Variants in PVALB observed in about 807,000 individuals in gnomAD.
PVALB encodes the protein parvalbumin alpha.
PVALB carries 11 observed loss-of-function variants against 10.9 expected under a neutral mutation model. The observed-to-expected ratio is 1.01, with a 90% CI of 0.63 to 1.67. PVALB has a LOEUF of 1.67. Ranked by LOEUF, PVALB falls within the 40% of genes most tolerant of loss-of-function variation. PVALB has a pLI of 0.00. For missense variants in PVALB, 131 were observed against 136.2 expected (o/e 0.96, Z 0.19); for synonymous variants, 57 against 50.7 (o/e 1.12, Z -0.53).
chr22:36,812,908 A>G (rs4821535), intron 3 of PVALB, among the ~76,000 whole-genome samples: 140,978 of 152,292 alleles, frequency 0.93, 65,313 homozygotes, highest in African/African-American at 0.96. Flanking sequence ...TAAGAGAGAT[A>G]GCAATGTGGG....
chr22:36,809,696 T>C (rs1446552089), intron 3 of PVALB, among the ~76,000 whole-genome samples: 2 of 152,182 alleles, frequency 1.3e-5, no homozygotes, highest in African/African-American at 2.4e-5. Flanking sequence ...GAGCGCTCTA[T>C]GAACTTAGAT....
At chr22:36,813,440 T>A (rs1223086514) in intron 3 of PVALB, 1 of 542,812 alleles carries the variant, frequency 1.8e-6, no homozygotes. Flanking sequence ...TTTTAGGTTT[T>A]CAAATTAGGA....
upstream of PVALB, among the ~76,000 whole-genome samples, chr22:36,818,001 C>G (rs533439595): frequency 7.6e-4 from 115 of 152,252 alleles, no homozygotes; most frequent in Middle Eastern, 0.014. Context: ...GGAAAAATGT[C>G]ACGGTGCCTA....
chr22:36,813,523 T>C, intron 3 of PVALB, 123 bp downstream of exon 3: 1 of 766,142 alleles, frequency 1.3e-6, no homozygotes, highest in Non-Finnish European at 2.3e-6. Flanking sequence ...TTTTGTCTTC[T>C]AATCTGGGGG....
chr22:36,816,863 G>GTT, intron 1 of PVALB, 82 bp downstream of exon 1: 1 of 1,274,088 alleles, frequency 7.8e-7, no homozygotes, highest in African/African-American at 1.6e-5. Context: ...GGGAGGATCC[G>GTT]CCGGCTGCGG....
chr22:36,806,994 A>G (rs998509094), intron 3 of PVALB, among the ~76,000 whole-genome samples: 2 of 152,148 alleles, frequency 1.3e-5, no homozygotes, highest in African/African-American at 4.8e-5. Flanking sequence ...TTTTTCCACC[A>G]AGCAGCTGCT....
chr22:36,804,296 C>T (rs970971283), intron 3 of PVALB, among the ~76,000 whole-genome samples: 7 of 152,252 alleles, frequency 4.6e-5, no homozygotes, highest in Admixed American at 6.5e-5. Context: ...TCTCCGGTGA[C>T]GGAAAGTCAG....
Position 36,813,681 on chromosome 22 carries a change from C to A in PVALB, c.269G>T (p.Gly90Val). 1 of 1,614,160 alleles carries A rather than the reference C, an allele frequency of 6.2e-7. No individual in the cohort carries two copies. Among genetic ancestry groups the A allele is most frequent in the Non-Finnish European group, 8.5e-7 (1 of 1,180,024 alleles). The part of the protein sequence containing the change: ...AKETKMLMAA[G>V]DKDGDGKIGV... ...AATTTTGCCGTCCCCATCTTTGTCT[C>A]CAGCAGCCATCAGCATCTTGGTTTC... is the stretch of plus-strand genomic sequence containing the variant. The change falls in exon 3 of 4, where the codon GGA becomes GTA. Residue 90 changes from glycine to valine, a missense_variant. Physicochemically the swap from Gly to Val is moderately radical, Grantham distance 109 (BLOSUM62 -3). Coordinates refer to ENST00000417718, the MANE Select transcript of PVALB (RefSeq NM_001315532.2).
chr22:36,810,487 A>G (rs1444415653), intron 3 of PVALB, among the ~76,000 whole-genome samples: 3 of 152,330 alleles, frequency 2.0e-5, no homozygotes, highest in Admixed American at 2.0e-4. Flanking sequence ...GTGGGGCCCC[A>G]GTGCCTCAGG....
chr22:36,808,903 C>A (rs1939004553), intron 3 of PVALB, among the ~76,000 whole-genome samples: 1 of 152,218 alleles, frequency 6.6e-6, no homozygotes, highest in African/African-American at 2.4e-5. Context: ...GTCAGCTCTG[C>A]ACCAGCCTTT....
chr22:36,817,885 A>G (rs1358975442), upstream of PVALB, among the ~76,000 whole-genome samples: 1 of 151,880 alleles, frequency 6.6e-6, no homozygotes, highest in Non-Finnish European at 1.5e-5. Context: ...TGGAATTGCT[A>G]TGCTCCCTCC....
intron 1 of PVALB, among the ~76,000 whole-genome samples, chr22:36,815,935 G>A (rs1010392783): frequency 1.6e-4 from 24 of 152,056 alleles, no homozygotes; most frequent in African/African-American, 5.8e-4. Flanking sequence ...CCCAGGGGAG[G>A]GGGTGCAAAG....
chr22:36,807,627 T>A (rs1307105779), intron 3 of PVALB, among the ~76,000 whole-genome samples: 1 of 152,210 alleles, frequency 6.6e-6, no homozygotes. Flanking sequence ...ATTCTCTTCA[T>A]TCGAGCAACA....
At chr22:36,803,588 G>A (rs1190537790) in intron 3 of PVALB, among the ~76,000 whole-genome samples, 1 of 145,256 alleles carries the variant, frequency 6.9e-6, no homozygotes, top group Admixed American at 6.9e-5. Context: ...GATGGATGAG[G>A]AATGGGTGGA....
At chr22:36,811,994 GAAAC>G (rs1939053219) in intron 3 of PVALB, among the ~76,000 whole-genome samples, 2 of 152,008 alleles carry the variant, frequency 1.3e-5, no homozygotes, top group Non-Finnish European at 1.5e-5. Context: ...TTACTGGCAG[GAAAC>G]AAACAAACAG....
At chr22:36,805,438 C>T (rs1018704045) in intron 3 of PVALB, among the ~76,000 whole-genome samples, 3 of 152,172 alleles carry the variant, frequency 2.0e-5, no homozygotes, top group Non-Finnish European at 2.9e-5. Context: ...AGTTGCTGCC[C>T]GGCAGAAGCA....
intron 2 of PVALB, among the ~76,000 whole-genome samples, chr22:36,814,278 TG>T: frequency 2.7e-5 from 1 of 37,530 alleles, no homozygotes; most frequent in Admixed American, 3.0e-4. Flanking sequence ...AGTGTGTGTG[TG>T]TGTGTGTGTG....
chr22:36,809,824 T>C (rs1939017857), intron 3 of PVALB, among the ~76,000 whole-genome samples: 2 of 151,412 alleles, frequency 1.3e-5, no homozygotes, highest in African/African-American at 4.9e-5. Flanking sequence ...CGCACCCCAG[T>C]AATTGGCTAG....
In PVALB at chr22:36,815,155, A is replaced by G; in HGVS notation, c.142T>C (p.Phe48Leu). The change falls in exon 2 of 4, where the codon TTT (phenylalanine) becomes CTT (leucine). Residue 48 changes from phenylalanine to leucine, a missense_variant. Phe to Leu is a conservative substitution (Grantham distance 22). Coordinates refer to ENST00000417718, the MANE Select transcript of PVALB (RefSeq NM_001315532.2). ...CTTTTGTCCTTGTCCAGCATGTGAA[A>G]CACCTTCTTCACATCATCCGCACTC... ...KKSADDVKKV[F>L]HMLDKDKSGF... is the part of the protein sequence containing the mutation. The G allele has an allele frequency of 6.2e-7, 1 of 1,614,144 alleles. No individual in the cohort carries two copies. Among genetic ancestry groups the G allele is most frequent in the Non-Finnish European group, 8.5e-7 (1 of 1,180,012 alleles).
Sources: gnomAD v4.1 joint callset for allele counts (sites outside exome capture counted in the v4.1 genomes callset) on GRCh38, gnomAD v4.1.1 for gene constraint, MANE v1.5 for transcripts, NCBI Gene and HGNC (gene_info 2026-07-23, HGNC 2026-07-21) for gene names.